RBM4: variants seen among roughly 807,000 people sequenced by gnomAD.
RBM4 encodes RNA binding motif protein 4.
In RBM4, 7 loss-of-function variants were observed where a neutral mutation model predicts 29.5. That is an observed-to-expected ratio of 0.24 (90% confidence interval 0.14 to 0.45). RBM4 has a LOEUF of 0.45. Ranked by LOEUF, RBM4 falls within the 20% of genes least tolerant of loss-of-function variation. The pLI is 1.00. For missense variants in RBM4, 387 were observed against 502.3 expected (o/e 0.77, Z 2.19); for synonymous variants, 220 against 205.4 (o/e 1.07, Z -0.61).
chr11:66,649,764 T>C (rs1340722604), downstream of RBM4: 2 of 701,932 alleles, frequency 2.8e-6, no homozygotes, highest in Admixed American at 4.0e-5. Context: ...CAAGCTGCAG[T>C]GTGGTGGCAT....
Position 66,646,395 on chromosome 11 carries a change from T to C in RBM4, c.*377T>C. ...AGTCTCACTGCTCCAGGGTCTCTTT[T>C]TGGTCCAAAGGCTAGACCTATAGAG... On this transcript the variant is annotated 3_prime_UTR_variant, in exon 4 of 4. Coordinates refer to ENST00000310092, the MANE Select transcript of RBM4 (RefSeq NM_002896.4). 2 of 1,132,702 alleles carry C rather than the reference T, an allele frequency of 1.8e-6. No homozygotes were observed. The highest frequency in any genetic ancestry group is 2.2e-6 in the Non-Finnish European group (2 of 920,598). 70.2% of individuals were successfully genotyped at this position (1,132,702 alleles called of 1,614,324 possible).
At chr11:66,650,459 T>G (rs1354356049), downstream of RBM4, among the ~76,000 whole-genome samples, 1 of 151,942 alleles carries the variant, frequency 6.6e-6, no homozygotes, top group Non-Finnish European at 1.5e-5. Context: ...TAATCCCATC[T>G]GCTTGGGAGG....
intron 1 of RBM4, 81 bp from the exon 2 acceptor site, chr11:66,639,619 C>G: frequency 6.6e-7 from 1 of 1,505,760 alleles, no homozygotes; most frequent in South Asian, 1.3e-5. Context: ...TGGAAATATA[C>G]ATTAGAGTGA....
intron 2 of RBM4, among the ~76,000 whole-genome samples, chr11:66,660,430 C>T (rs61249497): frequency 6.8e-6 from 1 of 147,654 alleles, no homozygotes; most frequent in African/African-American, 2.5e-5. Flanking sequence ...TGGCTCACTA[C>T]AACCTTTGCC....
At position 66,655,350 on chromosome 11, in the gene RBM4, G is replaced by A. The variant is rs140648943; in HGVS notation, c.413-10506G>A. 4.1e-3 allele frequency among the ~76,000 whole-genome samples: 623 copies of A among 150,900 alleles called. 4 individuals carry two copies. Among genetic ancestry groups the A allele is most frequent in the African/African-American group, 0.014 (588 of 41,122 alleles). ...TGTCACCCAGACTGCAGTGCAGTGG[G>A]GTGATCTTGGCTCACTGCAACCTCC... On this transcript the variant is annotated intron_variant, in intron 2 of 2. Coordinates refer to the RBM4 transcript ENST00000396053.
Position 66,643,827 on chromosome 11 carries a change from C to A in RBM4, c.790C>A (p.Leu264Ile). 1.1e-5 allele frequency: 17 copies of A among 1,614,030 alleles called. No individual in the cohort carries two copies. Among genetic ancestry groups the A allele is most frequent in the Non-Finnish European group, 1.4e-5 (17 of 1,180,000 alleles). ...CCAGAATACAGCCATGGCCAGTCAC[C>A]TCACCTCCACCTCTCTCGATCCCTA... The part of the protein sequence containing the change: ...QVQNTAMASH[L>I]TSTSLDPYDR... The change falls in exon 3 of 4, where the codon CTC (leucine) becomes ATC (isoleucine). Residue 264 changes from leucine to isoleucine, a missense_variant. Leu to Ile is a conservative substitution (Grantham distance 5, BLOSUM62 2). This residue lies in a region of RBM4 where 281 missense variants were observed against 288.7 expected (regional missense o/e 0.97). Coordinates refer to ENST00000310092, the MANE Select transcript of RBM4 (RefSeq NM_002896.4). This position sits in a 1 kb window ranked among gnomAD's most constrained non-coding sequence, Gnocchi z 6.1.
Position 66,639,650 on chromosome 11 carries a change from C to G in RBM4, c.-12-50C>G, listed in dbSNP as rs1299473337. The G allele has an allele frequency of 4.5e-6, 7 of 1,572,356 alleles. No individual in the cohort carries two copies. In the East Asian group the frequency reaches 1.3e-4, roughly 30 times the overall value. Reference sequence around the variant, plus strand: ...AGTGAAAGTCGTTGTCTTTTGTGAACGGATGTGGGCCTGAGGTCTTTTGTC... The same window carrying G: ...AGTGAAAGTCGTTGTCTTTTGTGAAGGGATGTGGGCCTGAGGTCTTTTGTC... On this transcript the variant is annotated intron_variant, in intron 1 of 3. Transcript: ENST00000310092.
In RBM4 at chr11:66,655,537, C is replaced by T. The variant is rs183923232; in HGVS notation, c.413-10319C>T. On this transcript the variant is annotated intron_variant, in intron 2 of 2. Transcript: ENST00000396053. ...GCTCAAGCGATTCTCACCTCGGCCT[C>T]CCAAAGTGCTGGGATTATAGGAATG... 2.0e-5 allele frequency among the ~76,000 whole-genome samples: 3 copies of T among 152,318 alleles called. No individual in the cohort carries two copies. The East Asian group carries it at 5.8e-4, about 29-fold the overall frequency.
chr11:66,656,520 G>GCT (rs1353825175), intron 2 of RBM4, among the ~76,000 whole-genome samples: 32 of 152,062 alleles, frequency 2.1e-4, no homozygotes, highest in South Asian at 2.1e-3. Flanking sequence ...CAGTTGATCT[G>GCT]CTCACCTTGG....
chr11:66,661,195 C>G (rs1467241098), intron 2 of RBM4, among the ~76,000 whole-genome samples: 1 of 152,206 alleles, frequency 6.6e-6, no homozygotes. Context: ...TTCATTTCTC[C>G]TCAGCGGCAG....
At chr11:66,660,232 C>T (rs1382610803) in intron 2 of RBM4, among the ~76,000 whole-genome samples, 2 of 151,620 alleles carry the variant, frequency 1.3e-5, no homozygotes, top group Admixed American at 1.3e-4. Flanking sequence ...ATTGGAATGC[C>T]CTCCCAAACC....
intron 2 of RBM4, among the ~76,000 whole-genome samples, chr11:66,655,822 C>T (rs1259738006): frequency 1.3e-5 from 2 of 152,070 alleles, no homozygotes; most frequent in East Asian, 1.9e-4. Context: ...CTGGCCTTCA[C>T]TCTGAGTCAA....
intron 3 of RBM4, chr11:66,644,832 T>C (rs563231237): frequency 2.6e-6 from 1 of 385,216 alleles, no homozygotes; most frequent in African/African-American, 2.2e-5. Flanking sequence ...TCACCTTCTC[T>C]GCCCAGCTCA....
At chr11:66,661,900 C>T (rs1313003938) in intron 2 of RBM4, among the ~76,000 whole-genome samples, 3 of 152,028 alleles carry the variant, frequency 2.0e-5, no homozygotes, top group East Asian at 1.9e-4. Context: ...CGTGGTGGCG[C>T]GCGACTGTGA....
At chr11:66,666,927 T>G (rs369524236) in exon 3 of RBM4, 1 of 149,272 alleles carries the variant, frequency 6.7e-6, no homozygotes, top group East Asian at 1.9e-4. Context: ...TTTTTTTTTT[T>G]AAGAGAGAGA....
At chr11:66,649,781 A>C, downstream of RBM4, 2 of 701,536 alleles carry the variant, frequency 2.9e-6, no homozygotes, top group Non-Finnish European at 5.2e-6. Flanking sequence ...GCATGATTGT[A>C]GCTCACTGTA....
chr11:66,640,704 A>T (rs555226838), intron 2 of RBM4: 11 of 153,870 alleles, frequency 7.1e-5, no homozygotes, highest in Non-Finnish European at 1.6e-4. Context: ...CTTCCTGGGG[A>T]GGAGGCACTG....
In RBM4 at chr11:66,644,113, CGCG is replaced by C; in HGVS notation, c.1078_1080del (p.Arg360del). The C allele has an allele frequency of 6.2e-7, 1 of 1,613,334 alleles. No homozygotes were observed. Among genetic ancestry groups the C allele is most frequent in the Admixed American group, 1.7e-5 (1 of 59,958 alleles). On this transcript the variant is annotated inframe_deletion, in exon 3 of 4. Coordinates refer to ENST00000310092, the MANE Select transcript of RBM4 (RefSeq NM_002896.4). Reference sequence around the variant, plus strand: ...GAGCGGGAGCAGTATGCCGATCGGGCGCGGTACTCAGCCTTTTAAAGCTTGAGG... The same window carrying C: ...GAGCGGGAGCAGTATGCCGATCGGGCGTACTCAGCCTTTTAAAGCTTGAGG...
intron 2 of RBM4, among the ~76,000 whole-genome samples, chr11:66,651,644 C>T (rs1004316981): frequency 6.6e-6 from 1 of 151,772 alleles, no homozygotes. Flanking sequence ...CACCATGCCC[C>T]GCCAACAGGA....
Sources: allele counts gnomAD v4.1 joint callset (sites outside exome capture counted in the v4.1 genomes callset), GRCh38; gene constraint gnomAD v4.1.1; regional missense constraint gnomAD v4.1.1; non-coding constraint Gnocchi (gnomAD v3.1); transcripts MANE v1.5; gene names NCBI Gene and HGNC (gene_info 2026-07-23, HGNC 2026-07-21).